BACH2: variants seen among roughly 807,000 people sequenced by gnomAD.
BACH2 encodes the protein BACH transcriptional regulator 2.
BACH2 carries 5 observed loss-of-function variants against 61.8 expected under a neutral mutation model. The observed-to-expected ratio is 0.08, with a 90% confidence interval of 0.04 to 0.17. The LOEUF (loss-of-function observed/expected upper bound fraction) is 0.17, where lower values mean the gene tolerates loss of function less well. BACH2 is among the 10% of genes least tolerant of loss of function. The probability of loss-of-function intolerance (pLI) is 1.00; values close to 1 mark genes in which losing one functional copy is unlikely to be tolerated. For missense variants in BACH2, 824 were observed against 1,091.1 expected, an observed-to-expected ratio of 0.76 and a Z score of 3.45; for synonymous variants, 446 against 440.1, an observed-to-expected ratio of 1.01 and a Z score of -0.17.
At chr6:90,067,230 C>G (rs72924002) in intron 5 of BACH2, among the ~76,000 whole-genome samples, 3 of 152,114 alleles carry the variant, frequency 2.0e-5, no homozygotes, top group Non-Finnish European at 4.4e-5. Flanking sequence ...GAAAAGAAAA[C>G]GTTCTGTGGA....
intron 5 of BACH2, among the ~76,000 whole-genome samples, chr6:90,065,735 G>A (rs1780930370): frequency 6.6e-6 from 1 of 152,176 alleles, no homozygotes; most frequent in Non-Finnish European, 1.5e-5. Context: ...ATTTGGAAGT[G>A]TTGTTACACA....
intron 4 of BACH2, among the ~76,000 whole-genome samples, chr6:90,103,029 A>ATATATATATATTTTTTTTT: frequency 4.7e-4 from 10 of 21,160 alleles, no homozygotes; most frequent in African/African-American, 2.2e-3. Context: ...ATATATATAT[A>ATATATATATATTTTTTTTT]TTTTTTTTTT....
chr6:89,943,212 C>A (rs1318212728), intron 7 of BACH2, among the ~76,000 whole-genome samples: 3 of 152,074 alleles, frequency 2.0e-5, no homozygotes, highest in Admixed American at 2.0e-4. Context: ...ATGGAACCTA[C>A]ATATGTCTCC....
rs1772684541 is a variant in BACH2 at position 89,932,082 on chromosome 6, G to C, written c.*326C>G. ...ATTCCTGAGATAGGGTTTGTGACAT[G>C]GGCCACTGAGAAAAAAAATCCGTGG... On this transcript the variant is annotated 3_prime_UTR_variant, in exon 9 of 9. Transcript: ENST00000257749. 1 of 224,256 alleles carries C rather than the reference G, an allele frequency of 4.5e-6. No individual in the cohort carries two copies. The highest frequency in any genetic ancestry group is 2.2e-5 in the African/African-American group (1 of 44,660). The allele number at this position is 224,256 out of a possible 1,614,324, so 13.9% of individuals were successfully genotyped here.
intron 6 of BACH2, among the ~76,000 whole-genome samples, chr6:89,988,972 G>A (rs889970182): frequency 6.6e-6 from 1 of 152,254 alleles, no homozygotes; most frequent in East Asian, 1.9e-4. Context: ...AATCTAGGTC[G>A]AACTCTAGAC....
rs189407528 is a variant in BACH2, at chr6:90,030,516, G to C, written c.-12-21660C>G. 3.1e-3 allele frequency among the ~76,000 whole-genome samples: 467 copies of C among 152,226 alleles called. 2 individuals are homozygous for C. The highest frequency in any genetic ancestry group is 0.011 in the African/African-American group (454 of 41,542). On this transcript the variant is annotated intron_variant, in intron 5 of 8. Coordinates refer to ENST00000257749, the MANE Select transcript of BACH2 (RefSeq NM_021813.4). ...AATAGACGCAATAAAAAATGACAAA[G>C]GGGATATCACCACCGATGCCACAGA...
At chr6:90,270,012 T>C (rs1771469378) in intron 2 of BACH2, among the ~76,000 whole-genome samples, 1 of 152,174 alleles carries the variant, frequency 6.6e-6, no homozygotes, top group Admixed American at 6.6e-5. Context: ...TTACTTCACT[T>C]AGGATAATGG....
At position 89,927,342 on chromosome 6, in the gene BACH2, C is replaced by T. The variant is rs1772407409; in HGVS notation, c.*5066G>A. 1 of 152,848 alleles carries T rather than the reference C, an allele frequency of 6.5e-6. No homozygotes were observed. Among genetic ancestry groups the T allele is most frequent in the Non-Finnish European group, 1.5e-5 (1 of 68,060 alleles). 9.5% of individuals were successfully genotyped at this position (152,848 alleles called of 1,614,324 possible). A position where few individuals can be genotyped will look rare whatever the true frequency, so the allele number is the denominator to read the frequency against. The stretch of plus-strand genomic sequence containing the variant: ...ACTTAAGGGGAGGTCATAGTTCTGC[C>T]TCCAAACATGTTTTGGTAGAAGACT... On this transcript the variant is annotated 3_prime_UTR_variant, in exon 9 of 9. Transcript: ENST00000257749.
chr6:90,004,930 G>A (rs1476104155), intron 6 of BACH2, among the ~76,000 whole-genome samples: 1 of 152,216 alleles, frequency 6.6e-6, no homozygotes, highest in East Asian at 1.9e-4. Flanking sequence ...GTTTTTCAGT[G>A]GGGAACAAAC....
At chr6:90,058,618 A>T (rs1326266236) in intron 5 of BACH2, among the ~76,000 whole-genome samples, 1 of 152,056 alleles carries the variant, frequency 6.6e-6, no homozygotes, top group Non-Finnish European at 1.5e-5. Context: ...AACTGGAAAA[A>T]ACTACTTTCA....
At chr6:90,203,892 G>A (rs1197566687) in intron 4 of BACH2, among the ~76,000 whole-genome samples, 1 of 152,210 alleles carries the variant, frequency 6.6e-6, no homozygotes, top group Non-Finnish European at 1.5e-5. Flanking sequence ...GGCACAGATA[G>A]GAGTTCAAGA....
At chr6:89,994,855 C>A (rs995829477) in intron 6 of BACH2, among the ~76,000 whole-genome samples, 1 of 152,238 alleles carries the variant, frequency 6.6e-6, no homozygotes, top group African/African-American at 2.4e-5. Flanking sequence ...CATTACATTT[C>A]TACCATTCAC....
At chr6:90,101,316 C>G (rs184212781) in intron 4 of BACH2, among the ~76,000 whole-genome samples, 3 of 152,284 alleles carry the variant, frequency 2.0e-5, no homozygotes, top group Middle Eastern at 3.4e-3. Flanking sequence ...CACTGCCTAA[C>G]GCAAGGTCAC....
chr6:89,936,074 C>G (rs888518682), intron 8 of BACH2, among the ~76,000 whole-genome samples: 2 of 152,240 alleles, frequency 1.3e-5, no homozygotes, highest in Non-Finnish European at 2.9e-5. Context: ...GGGCAATAGA[C>G]ATTTTCTGGG....
intron 4 of BACH2, among the ~76,000 whole-genome samples, chr6:90,089,328 T>C (rs143057939): frequency 1.1e-3 from 172 of 152,150 alleles, no homozygotes; most frequent in Middle Eastern, 6.8e-3. Context: ...AGAAGCCCTA[T>C]TCCTTGAGGT....
At position 89,951,973 on chromosome 6, in the gene BACH2, T is replaced by G; in HGVS notation, c.244-111A>C. ...AGTGCTAATGTCCCAGAATAAAGAC[T>G]GCAAAGGGGCAGTTAATCTTGTAGT... On this transcript the variant is annotated intron_variant, in intron 6 of 8. Coordinates refer to ENST00000257749, the MANE Select transcript of BACH2 (RefSeq NM_021813.4). This position sits in a 1 kb window ranked among gnomAD's most constrained non-coding sequence, Gnocchi z 6.4. The G allele has an allele frequency of 7.8e-7, 1 of 1,280,140 alleles. No individual in the cohort carries two copies. Among genetic ancestry groups the G allele is most frequent in the Non-Finnish European group, 1.1e-6 (1 of 929,082 alleles). The allele number at this position is 1,280,140 out of a possible 1,614,324, so 79.3% of individuals were successfully genotyped here. A position where few individuals can be genotyped will look rare whatever the true frequency, so the allele number is the denominator to read the frequency against.
At chr6:90,018,866 C>T (rs954063476) in intron 5 of BACH2, among the ~76,000 whole-genome samples, 12 of 151,992 alleles carry the variant, frequency 7.9e-5, no homozygotes, top group African/African-American at 2.2e-4. Flanking sequence ...GGGGTAAGAT[C>T]GAGTTCACCT....
At chr6:90,294,967 A>C (rs531244869) in intron 1 of BACH2, among the ~76,000 whole-genome samples, 3 of 152,374 alleles carry the variant, frequency 2.0e-5, no homozygotes, top group South Asian at 2.1e-4. Flanking sequence ...CTAGGCAGGA[A>C]AGGATTTTTA....
At chr6:90,199,495 ATCTC>A (rs1768882532) in intron 4 of BACH2, among the ~76,000 whole-genome samples, 1 of 152,334 alleles carries the variant, frequency 6.6e-6, no homozygotes, top group East Asian at 1.9e-4. Context: ...AATTTATCTT[ATCTC>A]TCTTTCATGC....
Sources: allele counts gnomAD v4.1 joint callset (sites outside exome capture counted in the v4.1 genomes callset), GRCh38; gene constraint gnomAD v4.1.1; non-coding constraint Gnocchi (gnomAD v3.1); transcripts MANE v1.5; gene names NCBI Gene and HGNC (gene_info 2026-07-23, HGNC 2026-07-21).